NUDT1: variants seen among roughly 807,000 people sequenced by gnomAD.
The protein encoded by NUDT1 is oxidized purine nucleoside triphosphate hydrolase.
Under a neutral mutation model 11.3 loss-of-function variants are expected in NUDT1, and 16 were observed. The ratio of observed to expected loss-of-function variants is 1.41; its 90% CI spans 0.96 to 2.15. NUDT1 has a LOEUF of 2.15. Among genes scored for constraint, NUDT1 ranks in the 30% most tolerant of loss-of-function variants. NUDT1 has a pLI of 0.00. For synonymous variants in NUDT1, 101 were observed against 84.4 expected, an observed-to-expected ratio of 1.20 and a Z score of -1.08; for missense variants, 234 against 208.4, an observed-to-expected ratio of 1.12 and a Z score of -0.76.
chr7:2,244,452 A>ACCCCCCCCC, intron 1 of NUDT1, 111 bp from the exon 2 acceptor site: 2 of 553,140 alleles, frequency 3.6e-6, no homozygotes, highest in Non-Finnish European at 6.4e-6. Flanking sequence ...GTTACAGCAT[A>ACCCCCCCCC]CCCCCCCGCC....
At chr7:2,250,104 G>A (rs552727449) in intron 3 of NUDT1, 102 bp downstream of exon 3, 196 of 1,477,140 alleles carry the variant, frequency 1.3e-4, no homozygotes, top group South Asian at 6.9e-4. Context: ...GCCAGGGACC[G>A]GGCAGCCTGC....
chr7:2,242,717 T>C, intron 1 of NUDT1: 1 of 434,616 alleles, frequency 2.3e-6, no homozygotes, highest in South Asian at 4.0e-5. Context: ...GCCCCGCTTC[T>C]CAAGCCTCTA....
At position 2,248,852 on chromosome 7, in the gene NUDT1, C is replaced by A. The variant is rs187476797; in HGVS notation, c.153-1005C>A. On this transcript the variant is annotated intron_variant, in intron 2 of 3. Coordinates refer to ENST00000356714, the MANE Select transcript of NUDT1 (RefSeq NM_002452.4). ...ATTACAGGCATGAGCCACCCTGCAC[C>A]CAACCTGTTTGCATTTTTATTTTTT... 2.6e-5 allele frequency among the ~76,000 whole-genome samples: 4 copies of A among 152,270 alleles called. No homozygotes were observed. In the East Asian group the frequency reaches 7.7e-4, roughly 29 times the overall value.
At chr7:2,249,784 C>T in intron 2 of NUDT1, 73 bp from the exon 3 acceptor site, 1 of 1,591,094 alleles carries the variant, frequency 6.3e-7, no homozygotes, top group Non-Finnish European at 8.5e-7. Context: ...TGCCCAGCTC[C>T]TCCTCCCTGC....
At chr7:2,249,305 G>T (rs1794887026) in intron 2 of NUDT1, 1 of 165,432 alleles carries the variant, frequency 6.0e-6, no homozygotes. Context: ...TTCATCCTGT[G>T]TTCTCAGAGA....
rs1410851427 is a variant in NUDT1 at position 2,249,866 on chromosome 7, G to A, written c.162G>A (p.Gln54=). 7 of 1,613,486 alleles carry A rather than the reference G, an allele frequency of 4.3e-6. No homozygotes were observed. The highest frequency in any genetic ancestry group is 1.7e-5 in the Admixed American group (1 of 60,004). ...TIEDGARREL[Q]EESGLTVDAL... The stretch of plus-strand genomic sequence containing the variant: ...CCACCTCTGCCCGCAGGGAGCTGCA[G>A]GAGGAGAGCGGTCTGACAGTGGACG... Residue 54 remains glutamine, a synonymous_variant, in exon 3 of 4, where the codon CAG becomes CAA. Transcript: ENST00000356714.
Position 2,251,009 on chromosome 7 carries a change from C to G in NUDT1, c.*8C>G. ...GAGGTGGACACGGTCTAGCGGGAGC[C>G]CAGGGCAGCCCCTGGGCAGGAGACG... is the stretch of plus-strand genomic sequence containing the variant. On this transcript the variant is annotated 3_prime_UTR_variant, in exon 4 of 4. Transcript: ENST00000356714. 1 of 1,613,640 alleles carries G rather than the reference C, an allele frequency of 6.2e-7. No individual in the cohort carries two copies. The highest frequency in any genetic ancestry group is 2.2e-5 in the East Asian group (1 of 44,874).
rs763276275 is a variant in NUDT1, at chr7:2,250,880, G to A, written c.350G>A (p.Trp117Ter). 1.2e-6 allele frequency: 2 copies of A among 1,614,196 alleles called. No individual in the cohort carries two copies. The highest frequency in any genetic ancestry group is 1.1e-5 in the South Asian group (1 of 91,080). ...GATCAGATCCCCTTCAAGGACATGT[G>A]GCCCGACGACAGCTACTGGTTTCCA... ...QLDQIPFKDM[W>*]PDDSYWFPLL... The change falls in exon 4 of 4, where the codon TGG (tryptophan) becomes TAG (stop). Residue 117 changes from tryptophan (W) to a stop codon, truncating the protein, a stop_gained. Transcript: ENST00000356714. LOFTEE classifies it high-confidence loss of function.
intron 2 of NUDT1, chr7:2,249,652 C>T: frequency 1.6e-6 from 1 of 640,752 alleles, no homozygotes; most frequent in Non-Finnish European, 2.7e-6. Flanking sequence ...CAACCAAAAT[C>T]AGTGTCTTCA....
In NUDT1 at chr7:2,250,930, C is replaced by G; in HGVS notation, c.400C>G (p.His134Asp). Residue 134 changes from histidine (H) to aspartate (D), a missense_variant, in exon 4 of 4, where the codon CAC (histidine) becomes GAC (aspartate). His to Asp is a moderately conservative substitution (Grantham distance 81). Transcript: ENST00000356714. ...ACTCCTGCTTCAGAAGAAGAAATTC[C>G]ACGGGTACTTCAAGTTCCAGGGTCA... ...FPLLLQKKKFHGYFKFQGQDT... is the reference protein window; with the variant it reads ...FPLLLQKKKFDGYFKFQGQDT... 1 of 1,613,962 alleles carries G rather than the reference C, an allele frequency of 6.2e-7. No individual in the cohort carries two copies. The highest frequency in any genetic ancestry group is 2.2e-5 in the East Asian group (1 of 44,872).
chr7:2,246,084 G>A (rs535312229), intron 2 of NUDT1, among the ~76,000 whole-genome samples: 16 of 152,196 alleles, frequency 1.1e-4, no homozygotes, highest in Admixed American at 2.6e-4. Flanking sequence ...TGCCAGGAGT[G>A]TGTGCAGAGC....
intron 2 of NUDT1, among the ~76,000 whole-genome samples, chr7:2,247,089 G>T (rs1296326142): frequency 3.3e-5 from 5 of 152,186 alleles, no homozygotes; most frequent in Admixed American, 2.6e-4. Context: ...TCAGCCACAG[G>T]CCACCAGCAC....
At chr7:2,249,826 G>A (rs1205388175) in intron 2 of NUDT1, 31 bp from the exon 3 acceptor site, 3 of 1,609,746 alleles carry the variant, frequency 1.9e-6, no homozygotes, top group South Asian at 2.2e-5. Context: ...TGCCCTGACG[G>A]CCTCCCTCCC....
chr7:2,249,697 G>C (rs1246179845), intron 2 of NUDT1, 160 bp from the exon 3 acceptor site: 1 of 831,228 alleles, frequency 1.2e-6, no homozygotes, highest in Admixed American at 2.2e-5. Context: ...AGCCAGGTCG[G>C]GACCAGATAA....
intron 2 of NUDT1, 161 bp from the exon 3 acceptor site, chr7:2,249,696 G>A (rs751256010): frequency 1.7e-5 from 14 of 813,692 alleles, no homozygotes; most frequent in East Asian, 1.1e-4. Flanking sequence ...CAGCCAGGTC[G>A]GGACCAGATA....
At chr7:2,247,809 T>C (rs1465176696) in intron 2 of NUDT1, among the ~76,000 whole-genome samples, 1 of 152,168 alleles carries the variant, frequency 6.6e-6, no homozygotes, top group Non-Finnish European at 1.5e-5. Flanking sequence ...TTAACTAAAA[T>C]CAGTCACAAT....
At chr7:2,244,498 G>T in intron 1 of NUDT1, 65 bp from the exon 2 acceptor site, 3 of 1,362,350 alleles carry the variant, frequency 2.2e-6, no homozygotes, top group Admixed American at 2.4e-5. Flanking sequence ...CCTTCCTCCT[G>T]GCCCCTGGCA....
chr7:2,242,447 G>T, intron 1 of NUDT1, 191 bp downstream of exon 1: 4 of 497,464 alleles, frequency 8.0e-6, no homozygotes, highest in Non-Finnish European at 1.1e-5. Context: ...GGGGGTTTGG[G>T]AGAGAGACAA....
Position 2,244,606 on chromosome 7 carries a change from T to C in NUDT1, c.32T>C (p.Leu11Pro). 1 of 1,612,108 alleles carries C rather than the reference T, an allele frequency of 6.2e-7. No homozygotes were observed. The highest frequency in any genetic ancestry group is 8.5e-7 in the Non-Finnish European group (1 of 1,178,794). ...GCCTCCAGGCTCTATACCCTGGTGC[T>C]GGTCCTGCAGCCTCAGCGAGTTCTC... MGASRLYTLV[L>P]VLQPQRVLLG... The change falls in exon 2 of 4, where the codon CTG (leucine) becomes CCG (proline). Residue 11 changes from leucine to proline, a missense_variant. Leu to Pro is a moderately conservative substitution (Grantham distance 98). Coordinates refer to ENST00000356714, the MANE Select transcript of NUDT1 (RefSeq NM_002452.4).
Sources: gnomAD v4.1 joint callset for allele counts (sites outside exome capture counted in the v4.1 genomes callset) on GRCh38, gnomAD v4.1.1 for gene constraint, MANE v1.5 for transcripts, NCBI Gene and HGNC (gene_info 2026-07-23, HGNC 2026-07-21) for gene names.